Variants in ERICH6 observed in about 807,000 individuals in gnomAD.
The protein encoded by ERICH6 is glutamate-rich protein 6.
A neutral mutation model predicts 71.0 loss-of-function variants in ERICH6; 71 were observed. The ratio of observed to expected loss-of-function variants is 1.00; its 90% CI spans 0.83 to 1.22. ERICH6 has a LOEUF of 1.22. Among genes scored for constraint, ERICH6 ranks in the 50% most tolerant of loss-of-function variants. The pLI is 0.00. For synonymous variants in ERICH6, 262 were observed against 278.4 expected (o/e 0.94, Z 0.59); for missense variants, 808 against 797.2 (o/e 1.01, Z -0.16).
At chr3:150,679,850 G>A (rs1711826485) in intron 9 of ERICH6, among the ~76,000 whole-genome samples, 1 of 151,978 alleles carries the variant, frequency 6.6e-6, no homozygotes, top group African/African-American at 2.4e-5. Context: ...TAGAGATGGG[G>A]TTTCACTATG....
At chr3:150,670,886 C>G (rs1211816576) in intron 11 of ERICH6, among the ~76,000 whole-genome samples, 1 of 152,140 alleles carries the variant, frequency 6.6e-6, no homozygotes, top group Non-Finnish European at 1.5e-5. Flanking sequence ...AATCATTTTG[C>G]AAATCAACCA....
At chr3:150,680,662 T>C (rs1711872240) in intron 8 of ERICH6, 111 bp downstream of exon 8, 5 of 1,552,934 alleles carry the variant, frequency 3.2e-6, no homozygotes, top group African/African-American at 1.4e-5. Context: ...CTTGTGAATC[T>C]AGGAAATACA....
At chr3:150,699,691 A>G (rs1196225524) in intron 2 of ERICH6, among the ~76,000 whole-genome samples, 1 of 151,466 alleles carries the variant, frequency 6.6e-6, no homozygotes, top group South Asian at 2.1e-4. Flanking sequence ...GAACTTTAAT[A>G]TATTAGAACA....
At position 150,674,160 on chromosome 3, in the gene ERICH6, G is replaced by A. The variant is rs1217406035; in HGVS notation, c.1258-119C>T. 3 of 761,614 alleles carry A rather than the reference G, an allele frequency of 3.9e-6. No homozygotes were observed. The African/African-American group carries it at 5.4e-5, about 14-fold the overall frequency. 47.2% of individuals were successfully genotyped at this position (761,614 alleles called of 1,614,324 possible). ...ATACAAATCAATTATTAATTTAAATGTTGGCCCTGCTTCAACAACAGGAGA... is the reference window on the plus strand; with the variant it reads ...ATACAAATCAATTATTAATTTAAATATTGGCCCTGCTTCAACAACAGGAGA... On this transcript the variant is annotated intron_variant, in intron 10 of 13. Transcript: ENST00000295910.
intron 3 of ERICH6, among the ~76,000 whole-genome samples, chr3:150,690,951 C>T (rs1712408985): frequency 6.6e-6 from 1 of 152,212 alleles, no homozygotes; most frequent in Admixed American, 6.6e-5. Flanking sequence ...GGTCCACAGG[C>T]AGTGAGGTTT....
At position 150,685,738 on chromosome 3, in the gene ERICH6, T is replaced by A; in HGVS notation, c.783+4A>T. 6.2e-7 allele frequency: 1 copy of A among 1,602,176 alleles called. No individual in the cohort carries two copies. The highest frequency in any genetic ancestry group is 8.5e-7 in the Non-Finnish European group (1 of 1,171,448). On this transcript the variant is annotated splice_donor_region_variant and intron_variant, in intron 6 of 13. Coordinates refer to ENST00000295910, the MANE Select transcript of ERICH6 (RefSeq NM_152394.5). Reference sequence around the variant, plus strand: ...TAATAATAAGAAACATGAATTAAAGTCACCTTGAAGTTAATGCCTAAATTG... The same window carrying A: ...TAATAATAAGAAACATGAATTAAAGACACCTTGAAGTTAATGCCTAAATTG...
In ERICH6 at chr3:150,703,554, G is replaced by A; in HGVS notation, c.345C>T (p.Ser115=). 4 of 1,613,016 alleles carry A rather than the reference G, an allele frequency of 2.5e-6. No homozygotes were observed. Among genetic ancestry groups the A allele is most frequent in the Non-Finnish European group, 3.4e-6 (4 of 1,179,620 alleles). ...SLTSTFVPSQ[S]ATSTETPSAS... is the part of the protein sequence containing the mutation. ...CGCTCGGCGTTTCAGTGCTGGTCGCGCTCTGGCTGGGCACGAACGTAGAGG... is the reference window on the plus strand; with the variant it reads ...CGCTCGGCGTTTCAGTGCTGGTCGCACTCTGGCTGGGCACGAACGTAGAGG... The change falls in exon 1 of 14, where the codon AGC becomes AGT. Residue 115 remains serine, a synonymous_variant. Coordinates refer to ENST00000295910, the MANE Select transcript of ERICH6 (RefSeq NM_152394.5).
In ERICH6 at chr3:150,669,937, T is replaced by C. The variant is rs568627985; in HGVS notation, c.1344-486A>G. Among the ~76,000 whole-genome samples the C allele has an allele frequency of 3.3e-5, 5 of 152,244 alleles. No individual in the cohort carries two copies. In the South Asian group the frequency reaches 8.3e-4, roughly 25 times the overall value. The stretch of plus-strand genomic sequence containing the variant: ...GGCTGGGCATGGTGGCTCATGCCCA[T>C]AATCCCAGCACTTACGGAGGCCAAG... On this transcript the variant is annotated intron_variant, in intron 11 of 13. Coordinates refer to ENST00000295910, the MANE Select transcript of ERICH6 (RefSeq NM_152394.5).
At chr3:150,700,101 G>A (rs1712810044) in intron 2 of ERICH6, among the ~76,000 whole-genome samples, 1 of 151,846 alleles carries the variant, frequency 6.6e-6, no homozygotes, top group Non-Finnish European at 1.5e-5. Flanking sequence ...TTGAGATGGA[G>A]TCCCGCTCTG....
intron 9 of ERICH6, 67 bp from the exon 10 acceptor site, chr3:150,678,621 A>G (rs545384504): frequency 3.0e-4 from 410 of 1,350,138 alleles, no homozygotes; most frequent in African/African-American, 2.0e-3. Context: ...CTTTTCTAAA[A>G]TGAAATTTCA....
intron 3 of ERICH6, among the ~76,000 whole-genome samples, chr3:150,696,031 C>T (rs1029777621): frequency 6.6e-6 from 1 of 151,654 alleles, no homozygotes; most frequent in Admixed American, 6.6e-5. Context: ...ATTCATTTAT[C>T]ATATATTAAA....
chr3:150,694,570 C>A (rs1712581572), intron 3 of ERICH6, among the ~76,000 whole-genome samples: 1 of 152,200 alleles, frequency 6.6e-6, no homozygotes, highest in Non-Finnish European at 1.5e-5. Context: ...TCCTGCAACA[C>A]GTGGATTACC....
chr3:150,666,453 C>T (rs964512469), intron 13 of ERICH6, among the ~76,000 whole-genome samples: 1 of 152,168 alleles, frequency 6.6e-6, no homozygotes, highest in Non-Finnish European at 1.5e-5. Context: ...CCTGACCCAA[C>T]CCAAGTCTCT....
intron 3 of ERICH6, among the ~76,000 whole-genome samples, chr3:150,686,976 GC>G (rs1358938184): frequency 6.6e-6 from 1 of 152,148 alleles, no homozygotes; most frequent in African/African-American, 2.4e-5. Flanking sequence ...TTCCAGACCA[GC>G]CTAGCCAACA....
chr3:150,691,233 T>A (rs1210137073), intron 3 of ERICH6, among the ~76,000 whole-genome samples: 4 of 152,194 alleles, frequency 2.6e-5, no homozygotes, highest in Non-Finnish European at 5.9e-5. Flanking sequence ...GATACATACT[T>A]GTAGATGAAC....
At chr3:150,679,423 C>T (rs890460521) in intron 9 of ERICH6, among the ~76,000 whole-genome samples, 5 of 152,032 alleles carry the variant, frequency 3.3e-5, no homozygotes, top group East Asian at 1.9e-4. Flanking sequence ...TATGCTTTTG[C>T]GTCCTCATAG....
chr3:150,665,632 G>A (rs995828186), intron 13 of ERICH6, among the ~76,000 whole-genome samples: 5 of 151,508 alleles, frequency 3.3e-5, no homozygotes, highest in Admixed American at 6.6e-5. Flanking sequence ...TTCGAGACCA[G>A]CCTGGCCAAC....
chr3:150,669,013 A>G (rs1183485836), intron 12 of ERICH6, among the ~76,000 whole-genome samples: 1 of 152,156 alleles, frequency 6.6e-6, no homozygotes, highest in Non-Finnish European at 1.5e-5. Context: ...TTACCATATC[A>G]TTTATCAAGT....
At chr3:150,702,051 CTAACA>C in intron 2 of ERICH6, 65 bp downstream of exon 2, 2 of 1,096,778 alleles carry the variant, frequency 1.8e-6, no homozygotes, top group Non-Finnish European at 2.6e-6. Flanking sequence ...ACTCTACTTC[CTAACA>C]TGTTTATCCA....
Sources: gnomAD v4.1 joint callset for allele counts (sites outside exome capture counted in the v4.1 genomes callset) on GRCh38, gnomAD v4.1.1 for gene constraint, MANE v1.5 for transcripts, NCBI Gene and HGNC (gene_info 2026-07-23, HGNC 2026-07-21) for gene names.